STK39: variants seen among roughly 807,000 people sequenced by gnomAD.
STK39 encodes the protein STE20/SPS1-related proline-alanine-rich protein kinase.
STK39 carries 20 observed loss-of-function variants against 77.8 expected under a neutral mutation model. That is an observed-to-expected ratio of 0.26 (90% CI 0.18 to 0.37). The LOEUF is 0.37. Ranked by LOEUF, STK39 falls within the 10% of genes least tolerant of loss-of-function variation. The probability of loss-of-function intolerance (pLI) is 1.00; values close to 1 mark genes in which losing one functional copy is unlikely to be tolerated. For synonymous variants in STK39, 246 were observed against 234.1 expected, an observed-to-expected ratio of 1.05 and a Z score of -0.47; for missense variants, 479 against 656.5, an observed-to-expected ratio of 0.73 and a Z score of 2.95.
intron 5 of STK39, among the ~76,000 whole-genome samples, chr2:168,147,279 C>T (rs905471357): frequency 2.0e-5 from 3 of 152,156 alleles, no homozygotes; most frequent in African/African-American, 7.2e-5. Flanking sequence ...CAAGACTTGA[C>T]TGACAAAATT....
intron 1 of STK39, among the ~76,000 whole-genome samples, chr2:168,191,193 C>CT (rs1689331208): frequency 2.0e-5 from 3 of 152,160 alleles, no homozygotes; most frequent in Non-Finnish European, 2.9e-5. Context: ...AAAAAGGAAT[C>CT]CCTCTGACTG....
At chr2:168,201,783 C>A (rs1045341884) in intron 1 of STK39, among the ~76,000 whole-genome samples, 1 of 152,136 alleles carries the variant, frequency 6.6e-6, no homozygotes, top group Admixed American at 6.5e-5. Flanking sequence ...CACCCCAAGT[C>A]ACAATTCCCT....
At chr2:168,072,215 A>C (rs879319197) in intron 12 of STK39, among the ~76,000 whole-genome samples, 1 of 152,250 alleles carries the variant, frequency 6.6e-6, no homozygotes, top group Non-Finnish European at 1.5e-5. Context: ...TTTAATGAAC[A>C]TATTAGTATG....
At chr2:168,110,043 G>C (rs1687080207) in intron 10 of STK39, among the ~76,000 whole-genome samples, 1 of 152,134 alleles carries the variant, frequency 6.6e-6, no homozygotes, top group African/African-American at 2.4e-5. Context: ...TAATTTCAAT[G>C]CGTGTCACTT....
chr2:168,032,609 G>A (rs369006451), intron 14 of STK39, among the ~76,000 whole-genome samples: 5 of 152,308 alleles, frequency 3.3e-5, no homozygotes, highest in Admixed American at 2.0e-4. Flanking sequence ...GCTGGACAAA[G>A]ACAAGTTCTC....
intron 1 of STK39, among the ~76,000 whole-genome samples, chr2:168,238,713 G>A (rs2105275598): frequency 6.6e-6 from 1 of 152,296 alleles, no homozygotes; most frequent in East Asian, 1.9e-4. Flanking sequence ...AATAAAGTAT[G>A]CCAATCCATT....
At chr2:168,097,274 C>A (rs1378840760) in intron 10 of STK39, among the ~76,000 whole-genome samples, 1 of 152,190 alleles carries the variant, frequency 6.6e-6, no homozygotes, top group Non-Finnish European at 1.5e-5. Flanking sequence ...TGTATTTGTT[C>A]ATGTATCCAT....
At position 168,046,031 on chromosome 2, in the gene STK39, A is replaced by G. The variant is rs1028692046; in HGVS notation, c.1376+17469T>C. Among the ~76,000 whole-genome samples the G allele has an allele frequency of 4.3e-4, 65 of 152,156 alleles. 1 individual carries two copies. The highest frequency in any genetic ancestry group is 2.9e-4 in the Non-Finnish European group (20 of 68,014). ...ATCAATACCTGCTTAGGGAGCAGAC[A>G]TATCGATCAACCCTACCCCTACTGC... On this transcript the variant is annotated intron_variant, in intron 14 of 17. Transcript: ENST00000355999.
At chr2:168,203,910 A>T (rs1689675291) in intron 1 of STK39, among the ~76,000 whole-genome samples, 1 of 152,228 alleles carries the variant, frequency 6.6e-6, no homozygotes, top group Non-Finnish European at 1.5e-5. Context: ...GAGTCGTCTT[A>T]TCACTTAAAA....
At chr2:168,174,092 G>A (rs541432031) in intron 2 of STK39, among the ~76,000 whole-genome samples, 5 of 152,226 alleles carry the variant, frequency 3.3e-5, no homozygotes, top group Admixed American at 3.3e-4. Flanking sequence ...ATGGGAACTA[G>A]GTATTTTGAA....
At chr2:168,247,074 A>AC (rs1690935301) in intron 1 of STK39, among the ~76,000 whole-genome samples, 154 bp downstream of exon 1, 1 of 146,082 alleles carries the variant, frequency 6.8e-6, no homozygotes, top group Non-Finnish European at 1.5e-5. Flanking sequence ...AAAAAAAAAA[A>AC]AAAAAAAAAA....
intron 10 of STK39, among the ~76,000 whole-genome samples, chr2:168,084,490 T>C (rs550799831): frequency 6.6e-6 from 1 of 152,246 alleles, no homozygotes; most frequent in Non-Finnish European, 1.5e-5. Flanking sequence ...AAGAAGGTTG[T>C]CAGTGAGGGC....
At chr2:168,235,518 A>G (rs1370707558) in intron 1 of STK39, among the ~76,000 whole-genome samples, 2 of 151,680 alleles carry the variant, frequency 1.3e-5, no homozygotes, top group Non-Finnish European at 2.9e-5. Context: ...ACATATGTAT[A>G]CATGTGCCAT....
chr2:168,154,563 C>T (rs1296345023), intron 5 of STK39, among the ~76,000 whole-genome samples: 1 of 152,190 alleles, frequency 6.6e-6, no homozygotes, highest in African/African-American at 2.4e-5. Context: ...AACCTATTTA[C>T]AATACATATT....
chr2:168,219,147 G>A (rs1216101140), intron 1 of STK39, among the ~76,000 whole-genome samples: 15 of 152,086 alleles, frequency 9.9e-5, no homozygotes, highest in South Asian at 6.2e-4. Context: ...AGGGTCAGGC[G>A]CGGTGGCTCA....
chr2:168,215,253 A>ACT (rs1274742040), intron 1 of STK39, among the ~76,000 whole-genome samples: 1 of 151,228 alleles, frequency 6.6e-6, no homozygotes, highest in African/African-American at 2.4e-5. Context: ...CTCCAATCAT[A>ACT]CTCTCCCCCC....
chr2:168,225,136 TAA>T (rs1690271662), intron 1 of STK39, among the ~76,000 whole-genome samples: 1 of 152,156 alleles, frequency 6.6e-6, no homozygotes, highest in Non-Finnish European at 1.5e-5. Context: ...AAGGGATACT[TAA>T]TAGTGACCCT....
At chr2:168,045,882 G>A (rs1451604008) in intron 14 of STK39, among the ~76,000 whole-genome samples, 1 of 152,130 alleles carries the variant, frequency 6.6e-6, no homozygotes, top group Non-Finnish European at 1.5e-5. Context: ...ACCCTCACGA[G>A]TTACTGGTCT....
At chr2:168,058,529 T>C (rs1685582880) in intron 14 of STK39, among the ~76,000 whole-genome samples, 1 of 152,226 alleles carries the variant, frequency 6.6e-6, no homozygotes, top group South Asian at 2.1e-4. Context: ...ATCTTTGAAA[T>C]CATGCATCTA....
Sources: gnomAD v4.1 joint callset for allele counts (sites outside exome capture counted in the v4.1 genomes callset) on GRCh38, gnomAD v4.1.1 for gene constraint, MANE v1.5 for transcripts, NCBI Gene and HGNC (gene_info 2026-07-23, HGNC 2026-07-21) for gene names.